Variants in NKAIN2 observed in about 807,000 individuals in gnomAD.
NKAIN2 encodes sodium/potassium transporting ATPase interacting 2, also known as sodium/potassium-transporting ATPase subunit beta-1-interacting protein 2.
A neutral mutation model predicts 32.6 loss-of-function variants in NKAIN2; 14 were observed. That is an observed-to-expected ratio of 0.43 (90% confidence interval 0.28 to 0.67). The LOEUF is 0.67. Ranked by LOEUF, NKAIN2 falls within the 30% of genes least tolerant of loss-of-function variation. The pLI is 0.17. For synonymous variants in NKAIN2, 80 were observed against 87.2 expected, an observed-to-expected ratio of 0.92 and a Z score of 0.46; for missense variants, 198 against 258.3, an observed-to-expected ratio of 0.77 and a Z score of 1.60.
At chr6:124,271,262 G>T (rs1377023700) in intron 1 of NKAIN2, among the ~76,000 whole-genome samples, 1 of 152,020 alleles carries the variant, frequency 6.6e-6, no homozygotes, top group Non-Finnish European at 1.5e-5. Context: ...TGTCACCCAG[G>T]CTGGAGTGCA....
intron 2 of NKAIN2, among the ~76,000 whole-genome samples, chr6:124,339,937 T>C (rs1169249688): frequency 6.6e-6 from 1 of 152,214 alleles, no homozygotes; most frequent in Non-Finnish European, 1.5e-5. Flanking sequence ...AAAAACTGTA[T>C]TATAATACAT....
chr6:124,515,707 C>A (rs1778883477), intron 3 of NKAIN2, among the ~76,000 whole-genome samples: 3 of 3,402 alleles, frequency 8.8e-4, no homozygotes, highest in Non-Finnish European at 0.05. Context: ...TTTTTCTTCG[C>A]TTTCTCTCCG....
At chr6:124,339,286 A>G (rs564514691) in intron 2 of NKAIN2, among the ~76,000 whole-genome samples, 4 of 148,884 alleles carry the variant, frequency 2.7e-5, no homozygotes, top group South Asian at 4.2e-4. Flanking sequence ...CAGAAGTTGC[A>G]GTGAGCCGAG....
chr6:124,600,791 A>C (rs559831046), intron 3 of NKAIN2, among the ~76,000 whole-genome samples: 100 of 152,198 alleles, frequency 6.6e-4, no homozygotes, highest in African/African-American at 2.3e-3. Context: ...AAATTGCCTT[A>C]GGGTAGAAGA....
chr6:123,883,230 C>G (rs572557735), intron 1 of NKAIN2, among the ~76,000 whole-genome samples: 1 of 151,970 alleles, frequency 6.6e-6, no homozygotes, highest in Non-Finnish European at 1.5e-5. Context: ...CTGCAAGCTC[C>G]GCCTCCTGGG....
At chr6:124,127,889 C>T (rs571493492) in intron 1 of NKAIN2, among the ~76,000 whole-genome samples, 1 of 152,078 alleles carries the variant, frequency 6.6e-6, no homozygotes, top group South Asian at 2.1e-4. Flanking sequence ...GTGCAGTGCG[C>T]GATCTTGGCT....
chr6:124,594,951 A>G (rs1782031610), intron 3 of NKAIN2, among the ~76,000 whole-genome samples: 1 of 152,114 alleles, frequency 6.6e-6, no homozygotes. Context: ...GACAAAATTG[A>G]GGTAATTTCT....
chr6:124,515,963 A>G (rs953082703), intron 3 of NKAIN2, among the ~76,000 whole-genome samples: 3 of 152,134 alleles, frequency 2.0e-5, no homozygotes, highest in Non-Finnish European at 4.4e-5. Flanking sequence ...TTTACTGAGC[A>G]ACTGTTTTGG....
chr6:124,585,748 A>C (rs1325827415), intron 3 of NKAIN2, among the ~76,000 whole-genome samples: 1 of 152,304 alleles, frequency 6.6e-6, no homozygotes, highest in East Asian at 1.9e-4. Context: ...ACACTTATTA[A>C]ATTTTTTGTT....
chr6:124,283,267 A>G (rs763531216), intron 2 of NKAIN2, 125 bp downstream of exon 2: 16 of 627,522 alleles, frequency 2.5e-5, no homozygotes, highest in Non-Finnish European at 4.1e-5. Context: ...TTTAAGTACC[A>G]TGTGTTTATT....
intron 1 of NKAIN2, among the ~76,000 whole-genome samples, chr6:123,922,354 T>C (rs1046348462): frequency 2.6e-5 from 4 of 152,236 alleles, no homozygotes; most frequent in Non-Finnish European, 5.9e-5. Context: ...TTCATCTGTA[T>C]GTGCTGTGAA....
chr6:123,988,893 G>T (rs932713196), intron 1 of NKAIN2, among the ~76,000 whole-genome samples: 1 of 142,446 alleles, frequency 7.0e-6, no homozygotes, highest in African/African-American at 2.5e-5. Flanking sequence ...GTGTGTGTGT[G>T]TGTGTGTGTG....
intron 3 of NKAIN2, among the ~76,000 whole-genome samples, chr6:124,519,876 T>C (rs986469853): frequency 1.3e-5 from 2 of 152,190 alleles, no homozygotes; most frequent in Non-Finnish European, 2.9e-5. Context: ...CGAAATTATG[T>C]GTAAAATATC....
At chr6:124,348,409 T>C (rs1211988609) in intron 2 of NKAIN2, among the ~76,000 whole-genome samples, 2 of 152,126 alleles carry the variant, frequency 1.3e-5, no homozygotes, top group Admixed American at 1.3e-4. Flanking sequence ...CTGCTGTCTT[T>C]TTGTTTGTCT....
At chr6:124,412,385 G>A (rs12173354) in intron 3 of NKAIN2, among the ~76,000 whole-genome samples, 699 of 152,198 alleles carry the variant, frequency 4.6e-3, no homozygotes, top group East Asian at 0.012. Flanking sequence ...TTAGTTTTCC[G>A]TCTGACAGTC....
intron 1 of NKAIN2, among the ~76,000 whole-genome samples, chr6:124,069,219 C>CT (rs1258568953): frequency 3.9e-5 from 6 of 152,216 alleles, no homozygotes; most frequent in Middle Eastern, 3.4e-3. Context: ...TTTATTACCT[C>CT]TTTTTTTAAC....
intron 1 of NKAIN2, among the ~76,000 whole-genome samples, chr6:123,875,219 C>T (rs745895065): frequency 6.6e-6 from 1 of 151,872 alleles, no homozygotes; most frequent in African/African-American, 2.4e-5. Flanking sequence ...CAGGTTTTCT[C>T]ACTGTTTCCT....
intron 5 of NKAIN2, among the ~76,000 whole-genome samples, chr6:124,806,527 CA>C (rs1189835252): frequency 6.6e-6 from 1 of 151,974 alleles, no homozygotes; most frequent in African/African-American, 2.4e-5. Context: ...CCAGCCACTG[CA>C]AAATCATGCC....
intron 1 of NKAIN2, among the ~76,000 whole-genome samples, chr6:124,123,886 T>C (rs1386239259): frequency 6.6e-6 from 1 of 151,758 alleles, no homozygotes; most frequent in African/African-American, 2.4e-5. Flanking sequence ...TTAAGAGACA[T>C]TGAGAGAGAG....
Sources: gnomAD v4.1 joint callset for allele counts (sites outside exome capture counted in the v4.1 genomes callset) on GRCh38, gnomAD v4.1.1 for gene constraint, MANE v1.5 for transcripts, NCBI Gene and HGNC (gene_info 2026-07-23, HGNC 2026-07-21) for gene names.